Variants in LYPLA2 observed in about 807,000 individuals in gnomAD.
LYPLA2 encodes the protein acyl-protein thioesterase 2.
In LYPLA2, 7 loss-of-function variants were observed where a neutral mutation model predicts 30.3. The ratio of observed to expected loss-of-function variants is 0.23; its 90% confidence interval spans 0.13 to 0.43. LYPLA2 has a LOEUF of 0.43. LYPLA2 is among the 20% of genes least tolerant of loss of function. The probability of loss-of-function intolerance (pLI) is 1.00; values close to 1 mark genes in which losing one functional copy is unlikely to be tolerated. For missense variants in LYPLA2, 206 were observed against 307.9 expected (o/e 0.67, Z 2.48); for synonymous variants, 112 against 118.2 (o/e 0.95, Z 0.34).
At position 23,793,095 on chromosome 1, in the gene LYPLA2, T is replaced by C; in HGVS notation, c.110+56T>C. The stretch of plus-strand genomic sequence containing the variant: ...GAGGGGTCCTGGCCCAGCAGCGGAC[T>C]GGAGAGGCCTTCTCTTCCTACCACA... On this transcript the variant is annotated intron_variant, in intron 3 of 9. Coordinates refer to ENST00000374514, the MANE Select transcript of LYPLA2 (RefSeq NM_007260.3). The surrounding 1 kb of genome is among the most constrained non-coding windows in gnomAD (Gnocchi z 6.0). The C allele has an allele frequency of 1.2e-6, 2 of 1,613,232 alleles. No individual in the cohort carries two copies. The highest frequency in any genetic ancestry group is 3.3e-5 in the Admixed American group (2 of 60,010).
In LYPLA2 at chr1:23,794,471, T is replaced by C; in HGVS notation, c.516T>C (p.His172=). The C allele has an allele frequency of 6.2e-7, 1 of 1,613,996 alleles. No homozygotes were observed. Among genetic ancestry groups the C allele is most frequent in the Non-Finnish European group, 8.5e-7 (1 of 1,179,980 alleles). Residue 172 remains histidine (H), a synonymous_variant, in exon 9 of 10, where the codon CAT becomes CAC. Transcript: ENST00000374514. This position sits in a 1 kb window ranked among gnomAD's most constrained non-coding sequence, Gnocchi z 5.9. ...SAKDLAILQC[H]GELDPMVPVR... is the part of the protein sequence containing the mutation. ...AGGACCTGGCCATACTCCAGTGCCA[T>C]GGGGAGCTGGACCCCATGGTGCCCG... is the stretch of plus-strand genomic sequence containing the variant.
intron 1 of LYPLA2, among the ~76,000 whole-genome samples, chr1:23,791,592 TC>T (rs761695275): frequency 3.9e-5 from 6 of 151,960 alleles, no homozygotes; most frequent in Admixed American, 1.3e-4. Flanking sequence ...GAACAGAAGT[TC>T]CCATTGTGGG....
At chr1:23,792,844 G>A (rs1638825705) in intron 2 of LYPLA2, 84 bp downstream of exon 2, 3 of 1,339,244 alleles carry the variant, frequency 2.2e-6, no homozygotes, top group Non-Finnish European at 3.2e-6. Flanking sequence ...AATGGAGGTG[G>A]CAGTGATGAG....
In LYPLA2 at chr1:23,794,973, CCCCCTGGCAGCAGTATTGG is replaced by C. The variant is rs1469417332; in HGVS notation, c.*242_*260del. ...CTTATCCATTTCCCTGGAGGCGGGCCCCCCTGGCAGCAGTATTGGAGGGGCTACAGGCAGCTGGAGAAAG... is the reference window on the plus strand; with the variant it reads ...CTTATCCATTTCCCTGGAGGCGGGCCAGGGGCTACAGGCAGCTGGAGAAAG... On this transcript the variant is annotated 3_prime_UTR_variant, in exon 10 of 10. Coordinates refer to ENST00000374514, the MANE Select transcript of LYPLA2 (RefSeq NM_007260.3). The surrounding 1 kb of genome is among the most constrained non-coding windows in gnomAD (Gnocchi z 5.9). The C allele has an allele frequency of 1.5e-6, 1 of 687,926 alleles. No homozygotes were observed. The highest frequency in any genetic ancestry group is 1.8e-5 in the African/African-American group (1 of 56,922). The allele number at this position is 687,926 out of a possible 1,614,324, so 42.6% of individuals were successfully genotyped here.
intron 1 of LYPLA2, chr1:23,791,841 T>G (rs1443312607): frequency 6.6e-6 from 1 of 151,954 alleles, no homozygotes; most frequent in Non-Finnish European, 1.5e-5. Flanking sequence ...AGATGGAAGG[T>G]GAGGCCAGTT....
intron 1 of LYPLA2, 60 bp from the exon 2 acceptor site, chr1:23,792,597 T>G: frequency 9.4e-7 from 1 of 1,063,048 alleles, no homozygotes; most frequent in East Asian, 2.4e-5. Flanking sequence ...GGTGGCCTCT[T>G]GGGCCAGGAG....
Position 23,794,795 on chromosome 1 carries a change from C to T in LYPLA2, c.*63C>T, listed in dbSNP as rs1040145158. The T allele has an allele frequency of 4.3e-5, 68 of 1,580,570 alleles. No homozygotes were observed. The highest frequency in any genetic ancestry group is 5.2e-5 in the Non-Finnish European group (60 of 1,152,560). ...GGGACTCAGCAAGCAAGCGTGGCAC[C>T]ATCTTGGATCTGAGCCGGTCGAGCC... On this transcript the variant is annotated 3_prime_UTR_variant, in exon 10 of 10. Coordinates refer to ENST00000374514, the MANE Select transcript of LYPLA2 (RefSeq NM_007260.3). This position sits in a 1 kb window ranked among gnomAD's most constrained non-coding sequence, Gnocchi z 5.9.
At chr1:23,792,895 T>C in intron 2 of LYPLA2, 113 bp from the exon 3 acceptor site, 2 of 1,348,522 alleles carry the variant, frequency 1.5e-6, no homozygotes, top group Non-Finnish European at 2.1e-6. Context: ...GGTAGTAACC[T>C]GTTTGGCTGC....
chr1:23,794,577 G>A lies in LYPLA2; in HGVS notation c.622G>A (p.Val208Ile). The A allele has an allele frequency of 6.2e-7, 1 of 1,614,162 alleles. No homozygotes were observed. The highest frequency in any genetic ancestry group is 8.5e-7 in the Non-Finnish European group (1 of 1,180,006). ...ARVQFKTYPGVMHSSCPQEMA... is the reference protein window; with the variant it reads ...ARVQFKTYPGIMHSSCPQEMA... ...GGTCCAGTTCAAGACATACCCGGGT[G>A]TCATGCACAGCTCCTGTCCTCAGGT... The change falls in exon 9 of 10, where the codon GTC becomes ATC. Residue 208 changes from valine to isoleucine, a missense_variant. By Grantham distance (29) the Val-to-Ile change is conservative. Transcript: ENST00000374514. The surrounding 1 kb of genome is among the most constrained non-coding windows in gnomAD (Gnocchi z 5.9).
intron 1 of LYPLA2, chr1:23,792,435 C>G: frequency 1.8e-6 from 1 of 540,834 alleles, no homozygotes; most frequent in Non-Finnish European, 3.3e-6. Flanking sequence ...GGGCCAGAAC[C>G]AGAGACACAT....
Position 23,794,350 on chromosome 1 carries a change from G to A in LYPLA2, c.471+25G>A, listed in dbSNP as rs760152071. ...GGTGAATGTCCCCACTGACCCCCCC[G>A]CCCTTTGTGTCTGCATCCTCGTGGC... On this transcript the variant is annotated intron_variant, in intron 8 of 9. Coordinates refer to ENST00000374514, the MANE Select transcript of LYPLA2 (RefSeq NM_007260.3). This position sits in a 1 kb window ranked among gnomAD's most constrained non-coding sequence, Gnocchi z 5.9. 8.9e-6 allele frequency: 11 copies of A among 1,233,632 alleles called. No homozygotes were observed. Among genetic ancestry groups the A allele is most frequent in the Admixed American group, 3.4e-5 (2 of 58,318 alleles). 76.4% of individuals were successfully genotyped at this position (1,233,632 alleles called of 1,614,324 possible).
chr1:23,792,187 C>T (rs1245976328), intron 1 of LYPLA2, among the ~76,000 whole-genome samples: 1 of 151,556 alleles, frequency 6.6e-6, no homozygotes, highest in East Asian at 1.9e-4. Context: ...GGGTTGGAGG[C>T]GGCACTGAGT....
chr1:23,794,176 C>T lies in LYPLA2; in HGVS notation c.369+40C>T. On this transcript the variant is annotated intron_variant, in intron 7 of 9. Coordinates refer to ENST00000374514, the MANE Select transcript of LYPLA2 (RefSeq NM_007260.3). The surrounding 1 kb of genome is among the most constrained non-coding windows in gnomAD (Gnocchi z 5.9). The stretch of plus-strand genomic sequence containing the variant: ...GTGGGGGGGTAGGGGGTAGGGGTGG[C>T]CGGTGAGTGAGCTGTGCCCTCATGA... 2 of 1,560,556 alleles carry T rather than the reference C, an allele frequency of 1.3e-6. No homozygotes were observed. Among genetic ancestry groups the T allele is most frequent in the Non-Finnish European group, 8.7e-7 (1 of 1,145,422 alleles).
At chr1:23,791,852 G>A (rs1638798887) in intron 1 of LYPLA2, 1 of 152,512 alleles carries the variant, frequency 6.6e-6, no homozygotes, top group African/African-American at 2.4e-5. Context: ...GAGGCCAGTT[G>A]GGAGGGGTGG....
chr1:23,793,203 A>G lies in LYPLA2; in HGVS notation c.163A>G (p.Ile55Val). Residue 55 changes from isoleucine (I) to valine (V), a missense_variant, in exon 4 of 10, where the codon ATC (isoleucine) becomes GTC (valine). By Grantham distance (29) the Ile-to-Val change is conservative. Transcript: ENST00000374514. The surrounding 1 kb of genome is among the most constrained non-coding windows in gnomAD (Gnocchi z 6.0). ...CATCCGGCTCCCTCACGTCAAGTACATCTGTCCCCATGCGTGAGTGTCACC... is the reference window on the plus strand; with the variant it reads ...CATCCGGCTCCCTCACGTCAAGTACGTCTGTCCCCATGCGTGAGTGTCACC... Reference protein sequence around the residue: ...STIRLPHVKYICPHAPRIPVT... With the variant: ...STIRLPHVKYVCPHAPRIPVT... 6.2e-7 allele frequency: 1 copy of G among 1,613,772 alleles called. No individual in the cohort carries two copies. The highest frequency in any genetic ancestry group is 8.5e-7 in the Non-Finnish European group (1 of 1,179,910).
Position 23,792,706 on chromosome 1 carries a change from G to T in LYPLA2, c.24G>T (p.Val8=), listed in dbSNP as rs1443860843. The T allele has an allele frequency of 1.2e-6, 2 of 1,611,942 alleles. No individual in the cohort carries two copies. Among genetic ancestry groups the T allele is most frequent in the Admixed American group, 3.3e-5 (2 of 59,992 alleles). The change falls in exon 2 of 10, where the codon GTG becomes GTT. Residue 8 remains valine (V), a synonymous_variant. Coordinates refer to ENST00000374514, the MANE Select transcript of LYPLA2 (RefSeq NM_007260.3). Reference sequence around the variant, plus strand: ...GTATGTGTGGTAACACCATGTCTGTGCCCCTGCTCACCGATGCTGCCACCG... The same window carrying T: ...GTATGTGTGGTAACACCATGTCTGTTCCCCTGCTCACCGATGCTGCCACCG... MCGNTMS[V]PLLTDAATVS... is the part of the protein sequence containing the mutation.
In LYPLA2 at chr1:23,794,694, G is replaced by A. The variant is rs778674605; in HGVS notation, c.658G>A (p.Val220Met). 1.3e-5 allele frequency: 21 copies of A among 1,614,110 alleles called. No individual in the cohort carries two copies. Among genetic ancestry groups the A allele is most frequent in the South Asian group, 2.2e-5 (2 of 91,096 alleles). ...HSSCPQEMAA[V>M]KEFLEKLLPP... is the part of the protein sequence containing the mutation. The stretch of plus-strand genomic sequence containing the variant: ...TTAATCCCCTCAGGAGATGGCAGCT[G>A]TGAAGGAATTTCTTGAGAAGCTGCT... Residue 220 changes from valine to methionine, a missense_variant, in exon 10 of 10, where the codon GTG (valine) becomes ATG (methionine). By Grantham distance (21) the Val-to-Met change is conservative. Transcript: ENST00000374514. This position sits in a 1 kb window ranked among gnomAD's most constrained non-coding sequence, Gnocchi z 5.9.
Position 23,793,591 on chromosome 1 carries a change from G to T in LYPLA2, c.177-114G>T. The T allele has an allele frequency of 9.1e-7, 1 of 1,094,434 alleles. No homozygotes were observed. Among genetic ancestry groups the T allele is most frequent in the Admixed American group, 1.7e-5 (1 of 58,300 alleles). 67.8% of individuals were successfully genotyped at this position (1,094,434 alleles called of 1,614,324 possible). On this transcript the variant is annotated intron_variant, in intron 4 of 9. Transcript: ENST00000374514. This position sits in a 1 kb window ranked among gnomAD's most constrained non-coding sequence, Gnocchi z 6.0. ...GTTGCCTGGCAACACCTTAAACACA[G>T]GCCCTGCCTGCTGGGAGGGGCCACC...
intron 1 of LYPLA2, chr1:23,791,975 G>A (rs561599775): frequency 6.5e-6 from 1 of 152,868 alleles, no homozygotes; most frequent in East Asian, 1.9e-4. Flanking sequence ...CCCAGAGCGT[G>A]GTCAAGCCAG....
Sources: gnomAD v4.1 joint callset for allele counts (sites outside exome capture counted in the v4.1 genomes callset) on GRCh38, gnomAD v4.1.1 for gene constraint, Gnocchi (gnomAD v3.1) non-coding constraint, MANE v1.5 for transcripts, NCBI Gene and HGNC (gene_info 2026-07-23, HGNC 2026-07-21) for gene names.